ADAMTSL3: variants seen among roughly 807,000 people sequenced by gnomAD.
ADAMTSL3 encodes the protein ADAMTS-like protein 3.
Under a neutral mutation model 201.7 loss-of-function variants are expected in ADAMTSL3, and 128 were observed. That is an observed-to-expected ratio of 0.63 (90% CI 0.55 to 0.73). The LOEUF (loss-of-function observed/expected upper bound fraction) is 0.73. Ranked by LOEUF, ADAMTSL3 falls within the 30% of genes least tolerant of loss-of-function variation. The pLI, the probability that ADAMTSL3 is intolerant of heterozygous loss-of-function variation, is 0.00. For synonymous variants in ADAMTSL3, 738 were observed against 748.4 expected (o/e 0.99, Z 0.23); for missense variants, 1,990 against 2,119.6 (o/e 0.94, Z 1.20).
rs566952489 is a variant in ADAMTSL3, at chr15:83,951,719, T to G, written c.2490+8637T>G. ...TTATTGGTCTGTTCAGGTTTTGGATTTTTTCATGGTTCAATCTGGGTAGGT... is the reference window on the plus strand; with the variant it reads ...TTATTGGTCTGTTCAGGTTTTGGATGTTTTCATGGTTCAATCTGGGTAGGT... On this transcript the variant is annotated intron_variant, in intron 19 of 29. Coordinates refer to ENST00000286744, the MANE Select transcript of ADAMTSL3 (RefSeq NM_207517.3). Among the ~76,000 whole-genome samples, 4 of 152,290 alleles carry G rather than the reference T, an allele frequency of 2.6e-5. No individual in the cohort carries two copies. In the East Asian group the frequency reaches 7.7e-4, roughly 29 times the overall value.
chr15:83,716,902 A>G (rs2062027626), intron 3 of ADAMTSL3, among the ~76,000 whole-genome samples: 1 of 152,160 alleles, frequency 6.6e-6, no homozygotes, highest in African/African-American at 2.4e-5. Context: ...TAAAATTTAC[A>G]TTTCAAAATG....
At chr15:84,009,976 C>A (rs1301641207) in intron 23 of ADAMTSL3, among the ~76,000 whole-genome samples, 1 of 152,190 alleles carries the variant, frequency 6.6e-6, no homozygotes, top group Admixed American at 6.5e-5. Flanking sequence ...TAGGGTCTTT[C>A]ACTGTAAGAG....
At chr15:83,742,366 A>G (rs2062470521) in intron 3 of ADAMTSL3, among the ~76,000 whole-genome samples, 1 of 152,164 alleles carries the variant, frequency 6.6e-6, no homozygotes, top group Admixed American at 6.5e-5. Flanking sequence ...AAAACTTCCT[A>G]TTAAAGAATG....
chr15:83,912,852 T>C (rs1030824857), intron 15 of ADAMTSL3, among the ~76,000 whole-genome samples: 1 of 152,220 alleles, frequency 6.6e-6, no homozygotes. Flanking sequence ...ATTCGAATTA[T>C]GAAATGGATG....
intron 7 of ADAMTSL3, among the ~76,000 whole-genome samples, chr15:83,845,840 G>T (rs2064486963): frequency 6.6e-6 from 1 of 152,140 alleles, no homozygotes; most frequent in Non-Finnish European, 1.5e-5. Flanking sequence ...CTACTTGGTT[G>T]CCTTTTAACA....
At chr15:83,860,380 G>A (rs1459854875) in intron 8 of ADAMTSL3, among the ~76,000 whole-genome samples, 1 of 152,064 alleles carries the variant, frequency 6.6e-6, no homozygotes, top group Non-Finnish European at 1.5e-5. Flanking sequence ...CCCATGTAGG[G>A]GTCCCTGAAG....
At chr15:83,820,201 A>G (rs1350344760) in intron 6 of ADAMTSL3, among the ~76,000 whole-genome samples, 154 bp downstream of exon 6, 1 of 152,092 alleles carries the variant, frequency 6.6e-6, no homozygotes, top group Non-Finnish European at 1.5e-5. Flanking sequence ...CCAGTTTTGT[A>G]TTTTTATACA....
chr15:83,991,902 A>G (rs1165734974), intron 23 of ADAMTSL3, among the ~76,000 whole-genome samples: 1 of 152,208 alleles, frequency 6.6e-6, no homozygotes, highest in East Asian at 1.9e-4. Context: ...GTAGATAAAT[A>G]TTATATGCTG....
At chr15:83,685,976 T>C (rs11856063) in intron 2 of ADAMTSL3, among the ~76,000 whole-genome samples, 7,076 of 151,468 alleles carry the variant, frequency 0.047, 535 homozygotes, top group African/African-American at 0.16. Context: ...ATGGGCTCTT[T>C]CCAGCCTCTT....
intron 6 of ADAMTSL3, among the ~76,000 whole-genome samples, chr15:83,833,719 A>G (rs1001492525): frequency 5.9e-5 from 9 of 152,210 alleles, no homozygotes; most frequent in Non-Finnish European, 5.9e-5. Flanking sequence ...CAGATGATTC[A>G]TGCTTAGATG....
intron 20 of ADAMTSL3, among the ~76,000 whole-genome samples, chr15:83,982,053 A>G (rs1328451036): frequency 1.3e-5 from 2 of 152,136 alleles, no homozygotes; most frequent in Non-Finnish European, 2.9e-5. Context: ...CACCTCATTC[A>G]CACTTGCATT....
At chr15:83,989,458 T>C (rs2067545076) in intron 22 of ADAMTSL3, among the ~76,000 whole-genome samples, 1 of 152,234 alleles carries the variant, frequency 6.6e-6, no homozygotes, top group Non-Finnish European at 1.5e-5. Context: ...GCAGTGTTGA[T>C]ATTAATGAAC....
chr15:83,907,780 A>G (rs2065867626), intron 15 of ADAMTSL3, among the ~76,000 whole-genome samples: 2 of 152,192 alleles, frequency 1.3e-5, no homozygotes, highest in Admixed American at 1.3e-4. Flanking sequence ...ATTTATCTGT[A>G]GGTGAGAACT....
intron 27 of ADAMTSL3, among the ~76,000 whole-genome samples, chr15:84,027,832 C>G (rs1413593630): frequency 6.6e-6 from 1 of 152,032 alleles, no homozygotes; most frequent in South Asian, 2.1e-4. Context: ...AATAACAACA[C>G]CCCATAATAA....
chr15:83,750,669 A>G (rs1182731032), intron 3 of ADAMTSL3, among the ~76,000 whole-genome samples: 3 of 152,060 alleles, frequency 2.0e-5, no homozygotes, highest in Non-Finnish European at 4.4e-5. Flanking sequence ...CTCCTGCCTC[A>G]GCCTCCCGAA....
intron 3 of ADAMTSL3, among the ~76,000 whole-genome samples, chr15:83,764,235 T>C (rs1182448893): frequency 1.3e-5 from 2 of 152,186 alleles, no homozygotes; most frequent in Non-Finnish European, 2.9e-5. Context: ...GAGGCTTTGC[T>C]CCCTCAGTCC....
chr15:83,891,143 C>T (rs547145908), intron 11 of ADAMTSL3, 186 bp from the exon 12 acceptor site: 14 of 523,144 alleles, frequency 2.7e-5, no homozygotes, highest in South Asian at 2.3e-4. Flanking sequence ...GAATTTGTGT[C>T]GTAGATATTC....
chr15:83,833,406 G>T (rs2064196612), intron 6 of ADAMTSL3, among the ~76,000 whole-genome samples: 2 of 151,924 alleles, frequency 1.3e-5, no homozygotes, highest in Admixed American at 6.6e-5. Context: ...TTTTATAAGG[G>T]TACTAATCCT....
intron 4 of ADAMTSL3, among the ~76,000 whole-genome samples, chr15:83,787,140 A>G (rs1170344770): frequency 6.6e-6 from 1 of 152,066 alleles, no homozygotes; most frequent in Admixed American, 6.6e-5. Flanking sequence ...TTTTGCATTC[A>G]TTGGCAATTC....
Sources: allele counts gnomAD v4.1 joint callset (sites outside exome capture counted in the v4.1 genomes callset), GRCh38; gene constraint gnomAD v4.1.1; transcripts MANE v1.5; gene names NCBI Gene and HGNC (gene_info 2026-07-23, HGNC 2026-07-21).